LHFPL3: variants seen among roughly 807,000 people sequenced by gnomAD.
LHFPL3 encodes the protein LHFPL tetraspan subfamily member 3 protein.
In LHFPL3, 5 loss-of-function variants were observed where a neutral mutation model predicts 19.3. That is an observed-to-expected ratio of 0.26 (90% CI 0.14 to 0.54). The LOEUF (loss-of-function observed/expected upper bound fraction) is 0.54, where lower values mean the gene tolerates loss of function less well. Ranked by LOEUF, LHFPL3 falls within the 20% of genes least tolerant of loss-of-function variation. The pLI, the probability that LHFPL3 is intolerant of heterozygous loss-of-function variation, is 0.94. For missense variants in LHFPL3, 249 were observed against 307.4 expected (o/e 0.81, Z 1.42); for synonymous variants, 133 against 126.2 (o/e 1.05, Z -0.36).
intron 1 of LHFPL3, among the ~76,000 whole-genome samples, chr7:104,512,041 AC>A (rs774011604): frequency 7.4e-6 from 1 of 135,826 alleles, no homozygotes; most frequent in African/African-American, 2.8e-5. Context: ...TGCAACCTCC[AC>A]CTCCCAGGTT....
intron 1 of LHFPL3, among the ~76,000 whole-genome samples, chr7:104,397,469 G>T (rs1791214328): frequency 6.6e-6 from 1 of 152,060 alleles, no homozygotes; most frequent in African/African-American, 2.4e-5. Flanking sequence ...ATATTCCTGG[G>T]GATTCATGGT....
At chr7:104,642,078 C>A (rs1791847884) in intron 1 of LHFPL3, among the ~76,000 whole-genome samples, 1 of 138,212 alleles carries the variant, frequency 7.2e-6, no homozygotes, top group African/African-American at 2.7e-5. Flanking sequence ...TGCTCTGTCA[C>A]CCAGACTGGA....
chr7:104,587,837 T>C (rs1318952801), intron 1 of LHFPL3, among the ~76,000 whole-genome samples: 1 of 152,158 alleles, frequency 6.6e-6, no homozygotes, highest in Non-Finnish European at 1.5e-5. Context: ...TGGTATCTCA[T>C]TGTGGTTTTG....
intron 2 of LHFPL3, among the ~76,000 whole-genome samples, chr7:104,802,232 C>T (rs1181922787): frequency 6.6e-6 from 1 of 152,128 alleles, no homozygotes; most frequent in African/African-American, 2.4e-5. Flanking sequence ...CACTGGCTCA[C>T]ACCTGTATTC....
chr7:104,824,820 ATATTATAT>A (rs1480424291), intron 2 of LHFPL3, among the ~76,000 whole-genome samples: 8 of 126,790 alleles, frequency 6.3e-5, no homozygotes, highest in African/African-American at 2.5e-4. Flanking sequence ...ATATAATGAT[ATATTATAT>A]AATTATATAT....
At chr7:104,337,104 AGATCAAGAGTGAGGTGC>A (rs1789824858) in intron 1 of LHFPL3, among the ~76,000 whole-genome samples, 1 of 152,108 alleles carries the variant, frequency 6.6e-6, no homozygotes, top group African/African-American at 2.4e-5. Flanking sequence ...GTTTCAGGGC[AGATCAAGAGTGAGGTGC>A]TGCAAAATCG....
chr7:104,617,064 T>C (rs921522273), intron 1 of LHFPL3, among the ~76,000 whole-genome samples: 1 of 152,162 alleles, frequency 6.6e-6, no homozygotes, highest in African/African-American at 2.4e-5. Flanking sequence ...AAGTGTAAAT[T>C]AGTTCAACTA....
intron 1 of LHFPL3, among the ~76,000 whole-genome samples, chr7:104,409,076 CCGTGTTAGCCAAGATGGT>C (rs1239762657): frequency 6.7e-6 from 1 of 150,278 alleles, no homozygotes; most frequent in East Asian, 2.0e-4. Context: ...CGGGGTTTCA[CCGTGTTAGCCAAGATGGT>C]CTCGGTCTCC....
At chr7:104,699,217 G>T (rs985214884) in intron 1 of LHFPL3, among the ~76,000 whole-genome samples, 5 of 152,140 alleles carry the variant, frequency 3.3e-5, no homozygotes, top group Non-Finnish European at 7.4e-5. Context: ...TGAAAGTAGG[G>T]ACTTGAGCAT....
intron 1 of LHFPL3, among the ~76,000 whole-genome samples, chr7:104,448,195 T>C (rs1245059480): frequency 6.6e-6 from 1 of 152,194 alleles, no homozygotes; most frequent in Non-Finnish European, 1.5e-5. Context: ...CTGGTAAACA[T>C]TTTTGTCTTC....
At chr7:104,741,598 C>T (rs113273264) in intron 2 of LHFPL3, among the ~76,000 whole-genome samples, 25 of 151,212 alleles carry the variant, frequency 1.7e-4, no homozygotes, top group African/African-American at 4.1e-4. Context: ...AGCAGTGACA[C>T]GATCATAGCT....
intron 1 of LHFPL3, among the ~76,000 whole-genome samples, chr7:104,380,848 AAAC>A (rs898768610): frequency 6.6e-6 from 1 of 152,194 alleles, no homozygotes; most frequent in Non-Finnish European, 1.5e-5. Flanking sequence ...AAATTAATAA[AAAC>A]AACAACAACA....
intron 1 of LHFPL3, among the ~76,000 whole-genome samples, chr7:104,565,782 A>G (rs967201213): frequency 2.7e-5 from 4 of 150,356 alleles, no homozygotes; most frequent in Admixed American, 6.6e-5. Context: ...TAATCTATCT[A>G]TCTGTCTAAT....
chr7:104,501,843 A>G (rs1486163815), intron 1 of LHFPL3, among the ~76,000 whole-genome samples: 6 of 152,234 alleles, frequency 3.9e-5, no homozygotes, highest in Non-Finnish European at 7.3e-5. Context: ...AGACTCTGCG[A>G]TTGAATTAGC....
intron 1 of LHFPL3, among the ~76,000 whole-genome samples, chr7:104,589,933 G>T (rs1258589302): frequency 2.0e-5 from 3 of 152,156 alleles, no homozygotes; most frequent in African/African-American, 7.2e-5. Flanking sequence ...ATGGTAGTTT[G>T]TATTTCTGTG....
intron 1 of LHFPL3, among the ~76,000 whole-genome samples, chr7:104,557,645 A>C (rs1562933692): frequency 1.3e-5 from 2 of 151,908 alleles, no homozygotes; most frequent in Non-Finnish European, 2.9e-5. Flanking sequence ...AGGAGACTTT[A>C]ATCTGTTTTT....
At chr7:104,557,827 A>C (rs1431953175) in intron 1 of LHFPL3, among the ~76,000 whole-genome samples, 141 of 121,784 alleles carry the variant, frequency 1.2e-3, no homozygotes, top group Admixed American at 2.1e-3. Flanking sequence ...ATCCCTCCCC[A>C]CTCCCCCCAC....
intron 1 of LHFPL3, among the ~76,000 whole-genome samples, chr7:104,657,633 G>A (rs73413778): frequency 0.02 from 3,029 of 152,296 alleles, 110 homozygotes; most frequent in African/African-American, 0.069. Context: ...AAGGTGCCTG[G>A]ATGTAAATAC....
chr7:104,567,246 A>G (rs976318888), intron 1 of LHFPL3, among the ~76,000 whole-genome samples: 4 of 152,156 alleles, frequency 2.6e-5, no homozygotes, highest in East Asian at 3.8e-4. Flanking sequence ...TTTTGTCTCA[A>G]TAATTATATT....
Sources: allele counts gnomAD v4.1 joint callset (sites outside exome capture counted in the v4.1 genomes callset), GRCh38; gene constraint gnomAD v4.1.1; transcripts MANE v1.5; gene names NCBI Gene and HGNC (gene_info 2026-07-23, HGNC 2026-07-21).